Variants in C10orf67 observed in about 807,000 individuals in gnomAD.
C10orf67 encodes uncharacterized protein C10orf67, mitochondrial.
A neutral mutation model predicts 35.6 loss-of-function variants in C10orf67; 60 were observed. That is an observed-to-expected ratio of 1.68 (90% CI 1.37 to 2.09). The LOEUF (loss-of-function observed/expected upper bound fraction) is 2.09, where lower values mean the gene tolerates loss of function less well. Ranked by LOEUF, C10orf67 falls within the 30% of genes most tolerant of loss-of-function variation. C10orf67 has a pLI of 0.00. For synonymous variants in C10orf67, 167 were observed against 115.8 expected, an observed-to-expected ratio of 1.44 and a Z score of -2.84; for missense variants, 474 against 330.2, an observed-to-expected ratio of 1.44 and a Z score of -3.38.
intron 5 of C10orf67, among the ~76,000 whole-genome samples, chr10:23,297,068 C>T (rs1564495851): frequency 2.0e-5 from 3 of 152,198 alleles, no homozygotes; most frequent in South Asian, 2.1e-4. Flanking sequence ...ACTATGTCCT[C>T]GTGAGGTTCC....
At chr10:23,280,299 T>G (rs1255548433) in intron 8 of C10orf67, among the ~76,000 whole-genome samples, 2 of 152,238 alleles carry the variant, frequency 1.3e-5, no homozygotes, top group African/African-American at 4.8e-5. Flanking sequence ...AGTATTTACA[T>G]TTTTACAAAA....
intron 13 of C10orf67, among the ~76,000 whole-genome samples, chr10:23,232,538 A>G (rs1398974148): frequency 6.6e-6 from 1 of 152,188 alleles, no homozygotes; most frequent in Non-Finnish European, 1.5e-5. Context: ...CACACAGAGC[A>G]CTGGGATAAA....
chr10:23,318,903 T>C (rs971440331), intron 4 of C10orf67: 23 of 777,778 alleles, frequency 3.0e-5, no homozygotes, highest in Non-Finnish European at 4.8e-5. Flanking sequence ...TATCTCAATG[T>C]TTGGTTTCAC....
At chr10:23,222,401 T>C (rs777299188) in intron 15 of C10orf67, among the ~76,000 whole-genome samples, 3 of 152,118 alleles carry the variant, frequency 2.0e-5, no homozygotes, top group Non-Finnish European at 4.4e-5. Flanking sequence ...AGTGAATTCA[T>C]ATAGAAGTAG....
At chr10:23,259,495 A>C (rs1439429188) in intron 10 of C10orf67, among the ~76,000 whole-genome samples, 1 of 152,204 alleles carries the variant, frequency 6.6e-6, no homozygotes, top group South Asian at 2.1e-4. Flanking sequence ...ATGTCAAAAC[A>C]AAACCAAACA....
intron 5 of C10orf67, among the ~76,000 whole-genome samples, chr10:23,291,674 C>G (rs1429934086): frequency 6.6e-6 from 1 of 152,110 alleles, no homozygotes; most frequent in African/African-American, 2.4e-5. Context: ...CGGGCAGCGC[C>G]AGGGGGTGGC....
intron 6 of C10orf67, 134 bp from the exon 7 acceptor site, chr10:23,290,092 T>C: frequency 1.7e-6 from 1 of 594,032 alleles, no homozygotes; most frequent in South Asian, 2.3e-5. Flanking sequence ...GACTGTGACC[T>C]TCACAACTGC....
At chr10:23,255,807 G>A (rs1456526354) in intron 10 of C10orf67, among the ~76,000 whole-genome samples, 1 of 152,008 alleles carries the variant, frequency 6.6e-6, no homozygotes, top group Non-Finnish European at 1.5e-5. Flanking sequence ...CACATATAAT[G>A]GATTATCTAA....
chr10:23,338,789 A>G (rs984315803), intron 1 of C10orf67, among the ~76,000 whole-genome samples: 7 of 152,172 alleles, frequency 4.6e-5, no homozygotes, highest in African/African-American at 1.7e-4. Flanking sequence ...CGGGAAGATC[A>G]CTTGAGCCCA....
In C10orf67 at chr10:23,291,222, C is replaced by T; in HGVS notation, c.760G>A (p.Glu254Lys). The change falls in exon 6 of 16, where the codon GAG becomes AAG. Residue 254 changes from glutamate (E) to lysine (K), a missense_variant. Coordinates refer to ENST00000636213, the MANE Select transcript of C10orf67 (RefSeq NM_001371909.1). The stretch of plus-strand genomic sequence containing the variant: ...AGCCTCTCATTTTCCACTTTGTACT[C>T]CAAATTTTCCTTTTCTAGGTTTGAT... ...PKSNLEKENL[E>K]YKVENERLLQ... 1 of 716,904 alleles carries T rather than the reference C, an allele frequency of 1.4e-6. No individual in the cohort carries two copies. The highest frequency in any genetic ancestry group is 2.7e-5 in the East Asian group (1 of 37,242). The allele number at this position is 716,904 out of a possible 1,614,324, so 44.4% of individuals were successfully genotyped here.
chr10:23,253,447 C>T (rs1479521588), intron 10 of C10orf67, among the ~76,000 whole-genome samples: 1 of 152,096 alleles, frequency 6.6e-6, no homozygotes, highest in African/African-American at 2.4e-5. Context: ...ATTTGATTAA[C>T]AGTAGTCCAA....
intron 4 of C10orf67, among the ~76,000 whole-genome samples, chr10:23,310,926 C>T (rs1844471726): frequency 6.6e-6 from 1 of 152,148 alleles, no homozygotes; most frequent in Non-Finnish European, 1.5e-5. Context: ...AGCTGCTCCA[C>T]CAAGTCCTGG....
rs566769396 is a variant in C10orf67, at chr10:23,288,625, A to G, written c.909+1275T>C. ...AAAGACAAAACATTTTTAAAAATTA[A>G]AAAAAGAATATCTTGAATGGCAATA... On this transcript the variant is annotated intron_variant, in intron 7 of 15. Coordinates refer to ENST00000636213, the MANE Select transcript of C10orf67 (RefSeq NM_001371909.1). Among the ~76,000 whole-genome samples the G allele has an allele frequency of 3.3e-5, 5 of 152,348 alleles. No individual in the cohort carries two copies. The East Asian group carries it at 5.8e-4, about 18-fold the overall frequency.
chr10:23,295,340 G>A (rs1843850521), intron 5 of C10orf67, among the ~76,000 whole-genome samples: 2 of 152,142 alleles, frequency 1.3e-5, no homozygotes, highest in East Asian at 3.8e-4. Context: ...TGTCCAGCTG[G>A]GCCAGGTAAC....
chr10:23,225,005 G>T lies in C10orf67; in HGVS notation c.1435-1187C>A, dbSNP rs553571018. Among the ~76,000 whole-genome samples, 31 of 152,106 alleles carry T rather than the reference G, an allele frequency of 2.0e-4. No individual in the cohort carries two copies. The South Asian group carries it at 6.4e-3, about 32-fold the overall frequency. ...CAAGGCAGGCCGACATTCAAATTCAGGAAATACAGAGAACACCACAAAGAT... is the reference window on the plus strand; with the variant it reads ...CAAGGCAGGCCGACATTCAAATTCATGAAATACAGAGAACACCACAAAGAT... On this transcript the variant is annotated intron_variant, in intron 13 of 15. Transcript: ENST00000636213.
chr10:23,223,813 T>A lies in C10orf67; in HGVS notation c.1440A>T (p.Val480=), dbSNP rs762884017. 1 of 715,202 alleles carries A rather than the reference T, an allele frequency of 1.4e-6. No individual in the cohort carries two copies. The highest frequency in any genetic ancestry group is 1.5e-5 in the South Asian group (1 of 67,504). 44.3% of individuals were successfully genotyped at this position (715,202 alleles called of 1,614,324 possible). The change falls in exon 14 of 16, where the codon GTA becomes GTT. Residue 480 remains valine (V), a synonymous_variant. Transcript: ENST00000636213. The part of the protein sequence containing the change: ...LADTSFNYIK[V]KPLLVQSRTT... ...TTCTAGACTGCACTAATAAGGGTTT[T>A]ACTTTCTGAAAGACACAAAAGATAT...
At chr10:23,295,464 T>A (rs1291547890) in intron 5 of C10orf67, among the ~76,000 whole-genome samples, 1 of 152,222 alleles carries the variant, frequency 6.6e-6, no homozygotes, top group South Asian at 2.1e-4. Flanking sequence ...TTATGGAACA[T>A]AAACGGATGG....
chr10:23,323,703 G>A (rs1024522732), intron 2 of C10orf67, among the ~76,000 whole-genome samples: 3 of 150,538 alleles, frequency 2.0e-5, no homozygotes, highest in South Asian at 4.2e-4. Flanking sequence ...CTGAAGTCAG[G>A]AGTTTGAGAC....
At chr10:23,270,823 G>A (rs1230107671) in intron 8 of C10orf67, among the ~76,000 whole-genome samples, 1 of 152,226 alleles carries the variant, frequency 6.6e-6, no homozygotes, top group African/African-American at 2.4e-5. Flanking sequence ...TGCAGAAATA[G>A]TGGCCAGACT....
Sources: allele counts gnomAD v4.1 joint callset (sites outside exome capture counted in the v4.1 genomes callset), GRCh38; gene constraint gnomAD v4.1.1; transcripts MANE v1.5; gene names NCBI Gene and HGNC (gene_info 2026-07-23, HGNC 2026-07-21).